DPYSL2: variants seen among roughly 807,000 people sequenced by gnomAD.
DPYSL2 encodes the protein dihydropyrimidinase like 2.
In DPYSL2, 13 loss-of-function variants were observed where a neutral mutation model predicts 69.9. The ratio of observed to expected loss-of-function variants is 0.19; its 90% CI spans 0.12 to 0.30. The LOEUF (loss-of-function observed/expected upper bound fraction) is 0.30. Among genes scored for constraint, DPYSL2 ranks in the 10% least tolerant of loss-of-function variants. The pLI, the probability that DPYSL2 is intolerant of heterozygous loss-of-function variation, is 1.00. For synonymous variants in DPYSL2, 326 were observed against 359.1 expected, an observed-to-expected ratio of 0.91 and a Z score of 1.04; for missense variants, 587 against 918.9, an observed-to-expected ratio of 0.64 and a Z score of 4.67.
chr8:26,528,677 G>GA (rs1051304892), intron 1 of DPYSL2, among the ~76,000 whole-genome samples: 3 of 150,868 alleles, frequency 2.0e-5, no homozygotes, highest in Admixed American at 6.6e-5. Context: ...AAAAGAAAAA[G>GA]AAAAAAAAGA....
intron 1 of DPYSL2, among the ~76,000 whole-genome samples, chr8:26,541,052 C>A (rs1800676713): frequency 6.6e-6 from 1 of 152,034 alleles, no homozygotes; most frequent in African/African-American, 2.4e-5. Context: ...GTCAAAAAAT[C>A]TTAAGTCAAA....
intron 1 of DPYSL2, among the ~76,000 whole-genome samples, chr8:26,575,250 A>G (rs966343471): frequency 6.6e-6 from 1 of 152,154 alleles, no homozygotes; most frequent in Non-Finnish European, 1.5e-5. Flanking sequence ...TTGGCATCCC[A>G]AAGTGCGGGA....
chr8:26,558,850 G>C (rs1321349096), intron 1 of DPYSL2, among the ~76,000 whole-genome samples: 3 of 152,184 alleles, frequency 2.0e-5, no homozygotes, highest in African/African-American at 7.2e-5. Flanking sequence ...TTAATACTAT[G>C]TTGCACACAT....
intron 1 of DPYSL2, among the ~76,000 whole-genome samples, chr8:26,519,080 A>AT (rs1246674391): frequency 6.6e-6 from 1 of 152,204 alleles, no homozygotes; most frequent in East Asian, 1.9e-4. Flanking sequence ...ACCTTTGCAT[A>AT]TTGCATATGC....
intron 1 of DPYSL2, among the ~76,000 whole-genome samples, chr8:26,520,226 T>C (rs925722023): frequency 1.3e-5 from 2 of 152,124 alleles, no homozygotes; most frequent in African/African-American, 4.8e-5. Flanking sequence ...CAACTGTGAG[T>C]CCATTAAACC....
At position 26,624,312 on chromosome 8, in the gene DPYSL2, G is replaced by A; in HGVS notation, c.793+5G>A. The A allele has an allele frequency of 6.2e-7, 1 of 1,613,844 alleles. No individual in the cohort carries two copies. The highest frequency in any genetic ancestry group is 8.5e-7 in the Non-Finnish European group (1 of 1,179,816). On this transcript the variant is annotated splice_donor_5th_base_variant and intron_variant, in intron 4 of 13. Coordinates refer to ENST00000521913, the MANE Select transcript of DPYSL2 (RefSeq NM_001197293.3). This position sits in a 1 kb window ranked among gnomAD's most constrained non-coding sequence, Gnocchi z 4.7. Reference sequence around the variant, plus strand: ...AAGCGCTTGTGAAGGATCACGGTAGGTTGCACTGAGTCAATGCCCTCTGCA... The same window carrying A: ...AAGCGCTTGTGAAGGATCACGGTAGATTGCACTGAGTCAATGCCCTCTGCA...
Position 26,514,683 on chromosome 8 carries a change from G to T in DPYSL2, c.354+4G>T. ...CCTGCAGAACATCAACGACCAGGTC[G>T]GTGTGGGGGTTGGGGGTGGAGACGG... On this transcript the variant is annotated splice_donor_region_variant and intron_variant, in intron 1 of 13. Transcript: ENST00000521913. This position sits in a 1 kb window ranked among gnomAD's most constrained non-coding sequence, Gnocchi z 8.4. The T allele has an allele frequency of 7.2e-7, 1 of 1,398,432 alleles. No individual in the cohort carries two copies. Among genetic ancestry groups the T allele is most frequent in the Non-Finnish European group, 9.3e-7 (1 of 1,080,148 alleles). 86.6% of individuals were successfully genotyped at this position (1,398,432 alleles called of 1,614,324 possible). A position where few individuals can be genotyped will look rare whatever the true frequency, so the allele number is the denominator to read the frequency against.
In DPYSL2 at chr8:26,585,627, G is replaced by T. The variant is rs988151726; in HGVS notation, c.628+1644G>T. Among the ~76,000 whole-genome samples the T allele has an allele frequency of 1.6e-4, 25 of 152,154 alleles. No homozygotes were observed. The highest frequency in any genetic ancestry group is 6.0e-4 in the African/African-American group (25 of 41,412). On this transcript the variant is annotated intron_variant, in intron 3 of 13. Coordinates refer to ENST00000521913, the MANE Select transcript of DPYSL2 (RefSeq NM_001197293.3). This position sits in a 1 kb window ranked among gnomAD's most constrained non-coding sequence, Gnocchi z 4.0. ...CTTGTCATTTGCTGGGGAATCACTGGCACCTGTGGGCGTTTCTGCCTCTCC... is the reference window on the plus strand; with the variant it reads ...CTTGTCATTTGCTGGGGAATCACTGTCACCTGTGGGCGTTTCTGCCTCTCC...
At position 26,614,235 on chromosome 8, in the gene DPYSL2, T is replaced by C. The variant is rs1802298345; in HGVS notation, c.629-9908T>C. The stretch of plus-strand genomic sequence containing the variant: ...GAAGTAAATTTGCAAGATTGCTGTC[T>C]GGGAGCTGGACAGACAGGAAGGGAA... On this transcript the variant is annotated intron_variant, in intron 3 of 13. Transcript: ENST00000521913. The surrounding 1 kb of genome is among the most constrained non-coding windows in gnomAD (Gnocchi z 4.9). Among the ~76,000 whole-genome samples the C allele has an allele frequency of 6.6e-6, 1 of 152,168 alleles. No homozygotes were observed. Among genetic ancestry groups the C allele is most frequent in the South Asian group, 2.1e-4 (1 of 4,830 alleles).
intron 1 of DPYSL2, among the ~76,000 whole-genome samples, chr8:26,556,652 G>A (rs1179265868): frequency 1.3e-5 from 2 of 151,650 alleles, no homozygotes; most frequent in African/African-American, 4.8e-5. Context: ...TGTGTTCATA[G>A]ATAGATGGAT....
intron 1 of DPYSL2, among the ~76,000 whole-genome samples, chr8:26,528,650 A>T (rs1275695849): frequency 1.3e-5 from 2 of 152,060 alleles, no homozygotes; most frequent in African/African-American, 2.4e-5. Context: ...TGTCTAAAAA[A>T]AAAAAAGAAA....
chr8:26,634,187 G>T (rs898740997), intron 7 of DPYSL2, among the ~76,000 whole-genome samples: 1 of 152,216 alleles, frequency 6.6e-6, no homozygotes, highest in Non-Finnish European at 1.5e-5. Context: ...CAGAAAATCT[G>T]CATTTCTTAC....
chr8:26,617,329 A>G lies in DPYSL2; in HGVS notation c.629-6814A>G, dbSNP rs148972225. Reference sequence around the variant, plus strand: ...ATAGCGAGACCTATTGTCTCTACACATAATAATAATAATAAAATTAGACAG... The same window carrying G: ...ATAGCGAGACCTATTGTCTCTACACGTAATAATAATAATAAAATTAGACAG... On this transcript the variant is annotated intron_variant, in intron 3 of 13. Coordinates refer to ENST00000521913, the MANE Select transcript of DPYSL2 (RefSeq NM_001197293.3). The surrounding 1 kb of genome is among the most constrained non-coding windows in gnomAD (Gnocchi z 4.7). Among the ~76,000 whole-genome samples, 961 of 152,072 alleles carry G rather than the reference A, an allele frequency of 6.3e-3. 11 individuals are homozygous for G. The highest frequency in any genetic ancestry group is 0.02 in the African/African-American group (825 of 41,498).
In DPYSL2 at chr8:26,530,138, A is replaced by C. The variant is rs577922415; in HGVS notation, c.354+15459A>C. The stretch of plus-strand genomic sequence containing the variant: ...CAAAAAAAAAAAAAAAAAAAAAAGG[A>C]AAGAAAGAAAAGAATTAACTGAAAA... On this transcript the variant is annotated intron_variant, in intron 1 of 13. Coordinates refer to ENST00000521913, the MANE Select transcript of DPYSL2 (RefSeq NM_001197293.3). Among the ~76,000 whole-genome samples, 4 of 146,686 alleles carry C rather than the reference A, an allele frequency of 2.7e-5. No homozygotes were observed. In the South Asian group the frequency reaches 8.9e-4, roughly 32 times the overall value.
intron 11 of DPYSL2, among the ~76,000 whole-genome samples, chr8:26,649,155 T>TA (rs958654835): frequency 6.6e-6 from 1 of 152,218 alleles, no homozygotes; most frequent in African/African-American, 2.4e-5. Flanking sequence ...GGAAAATAAA[T>TA]AAACGGAGGC....
At position 26,644,355 on chromosome 8, in the gene DPYSL2, G is replaced by A. The variant is rs1803116478; in HGVS notation, c.1425+264G>A. 1.3e-5 allele frequency among the ~76,000 whole-genome samples: 2 copies of A among 152,266 alleles called. No homozygotes were observed. The highest frequency in any genetic ancestry group is 3.4e-3 in the Middle Eastern group (1 of 294). ...CAAGGTCTTGCTCTGTCACCAGGCT[G>A]GAGTGCAGTGGTACAATCATAGCTC... On this transcript the variant is annotated intron_variant, in intron 10 of 13. Coordinates refer to ENST00000521913, the MANE Select transcript of DPYSL2 (RefSeq NM_001197293.3). This position sits in a 1 kb window ranked among gnomAD's most constrained non-coding sequence, Gnocchi z 4.5.
chr8:26,550,182 A>G (rs1296386841), intron 1 of DPYSL2, among the ~76,000 whole-genome samples: 1 of 152,228 alleles, frequency 6.6e-6, no homozygotes, highest in Non-Finnish European at 1.5e-5. Context: ...GCTGTAAGGT[A>G]TGTGCATCAC....
intron 1 of DPYSL2, among the ~76,000 whole-genome samples, chr8:26,569,368 AAAC>A (rs1254953111): frequency 0.017 from 2,202 of 129,052 alleles, 121 homozygotes; most frequent in African/African-American, 0.049. Context: ...AAAAAAACAA[AAAC>A]AAAAACAAAA....
rs1261244893 is a variant in DPYSL2, at chr8:26,516,100, T to C, written c.354+1421T>C. ...GAAAAACAAGGCATTTGCTGTCATT[T>C]GTAAAAGGTGACACAACTAATAATT... On this transcript the variant is annotated intron_variant, in intron 1 of 13. Transcript: ENST00000521913. The surrounding 1 kb of genome is among the most constrained non-coding windows in gnomAD (Gnocchi z 4.8). Among the ~76,000 whole-genome samples, 6 of 152,228 alleles carry C rather than the reference T, an allele frequency of 3.9e-5. No homozygotes were observed. Among genetic ancestry groups the C allele is most frequent in the Non-Finnish European group, 5.9e-5 (4 of 68,028 alleles).
Sources: allele counts gnomAD v4.1 joint callset (sites outside exome capture counted in the v4.1 genomes callset), GRCh38; gene constraint gnomAD v4.1.1; non-coding constraint Gnocchi (gnomAD v3.1); transcripts MANE v1.5; gene names NCBI Gene and HGNC (gene_info 2026-07-23, HGNC 2026-07-21).